Variants in ZNF385D observed in about 807,000 individuals in gnomAD.
The protein encoded by ZNF385D is zinc finger protein 385D.
ZNF385D carries 15 observed loss-of-function variants against 35.8 expected under a neutral mutation model. That is an observed-to-expected ratio of 0.42 (90% CI 0.28 to 0.64). The LOEUF (loss-of-function observed/expected upper bound fraction) is 0.64. Ranked by LOEUF, ZNF385D falls within the 30% of genes least tolerant of loss-of-function variation. ZNF385D has a pLI of 0.23. For synonymous variants in ZNF385D, 212 were observed against 186.8 expected (o/e 1.13, Z -1.10); for missense variants, 474 against 494.6 (o/e 0.96, Z 0.39).
intron 3 of ZNF385D, among the ~76,000 whole-genome samples, chr3:22,078,287 C>G (rs1178156560): frequency 6.6e-6 from 1 of 151,890 alleles, no homozygotes; most frequent in Non-Finnish European, 1.5e-5. Context: ...AATATGTTGA[C>G]AAATTAAACG....
At chr3:21,552,103 T>C (rs774356037) in intron 3 of ZNF385D, among the ~76,000 whole-genome samples, 3 of 152,190 alleles carry the variant, frequency 2.0e-5, no homozygotes, top group Non-Finnish European at 4.4e-5. Context: ...CAATGTTATT[T>C]TTCTAGAAAG....
At chr3:21,639,470 T>C (rs1468074012) in intron 2 of ZNF385D, among the ~76,000 whole-genome samples, 1 of 152,116 alleles carries the variant, frequency 6.6e-6, no homozygotes, top group Non-Finnish European at 1.5e-5. Flanking sequence ...AAATGCAATT[T>C]TATATAATGC....
At chr3:22,271,584 A>G (rs1401743669) in intron 2 of ZNF385D, among the ~76,000 whole-genome samples, 1 of 151,892 alleles carries the variant, frequency 6.6e-6, no homozygotes, top group Admixed American at 6.6e-5. Flanking sequence ...CCTTAAGTTG[A>G]TCCCAGCCAC....
At chr3:21,559,261 G>A (rs55783544) in intron 3 of ZNF385D, among the ~76,000 whole-genome samples, 52,405 of 151,878 alleles carry the variant, frequency 0.35, 9,246 homozygotes, top group Middle Eastern at 0.4. Context: ...TCATAGTGTC[G>A]ATGGTCTTTA....
chr3:22,328,976 C>G (rs1448686558), intron 2 of ZNF385D, among the ~76,000 whole-genome samples: 2 of 147,540 alleles, frequency 1.4e-5, no homozygotes, highest in Non-Finnish European at 3.0e-5. Context: ...ACTTGGGAGG[C>G]TGAGGCAGGA....
At chr3:21,829,906 T>G (rs1388006061) in intron 3 of ZNF385D, among the ~76,000 whole-genome samples, 2 of 151,986 alleles carry the variant, frequency 1.3e-5, no homozygotes, top group Non-Finnish European at 2.9e-5. Context: ...GGAGGATCAC[T>G]TGAAGTCAGG....
intron 3 of ZNF385D, among the ~76,000 whole-genome samples, chr3:22,063,967 G>A (rs867700558): frequency 6.6e-6 from 1 of 152,168 alleles, no homozygotes; most frequent in Non-Finnish European, 1.5e-5. Context: ...AATCCTGAGA[G>A]CATGCCCCAA....
At chr3:22,231,848 A>G (rs1280254854) in intron 2 of ZNF385D, among the ~76,000 whole-genome samples, 1 of 151,986 alleles carries the variant, frequency 6.6e-6, no homozygotes, top group African/African-American at 2.4e-5. Context: ...ATGGTTTAGC[A>G]TCATTCCTTT....
chr3:21,993,467 G>A (rs1308607806), intron 3 of ZNF385D, among the ~76,000 whole-genome samples: 1 of 152,084 alleles, frequency 6.6e-6, no homozygotes, highest in African/African-American at 2.4e-5. Flanking sequence ...CAAAAGTAGT[G>A]AAAAGTCTCA....
intron 2 of ZNF385D, among the ~76,000 whole-genome samples, chr3:22,201,045 C>T (rs186258331): frequency 1.3e-4 from 20 of 152,116 alleles, no homozygotes; most frequent in African/African-American, 4.6e-4. Flanking sequence ...TCCTCCTCAG[C>T]TGACAAGATT....
intron 2 of ZNF385D, among the ~76,000 whole-genome samples, chr3:22,199,049 T>C (rs1696609527): frequency 6.6e-6 from 1 of 152,138 alleles, no homozygotes; most frequent in South Asian, 2.1e-4. Flanking sequence ...GCTTATTGAT[T>C]GGTCTCGTAT....
intron 2 of ZNF385D, among the ~76,000 whole-genome samples, chr3:22,209,113 T>C (rs999365914): frequency 1.3e-5 from 2 of 151,868 alleles, no homozygotes; most frequent in African/African-American, 4.8e-5. Flanking sequence ...TCCGATTCAT[T>C]CAGTAAGCCC....
intron 3 of ZNF385D, among the ~76,000 whole-genome samples, chr3:22,094,385 G>GAGATAGATATATATAT (rs1491256865): frequency 1.4e-5 from 1 of 70,828 alleles, no homozygotes; most frequent in Non-Finnish European, 3.3e-5. Flanking sequence ...ATTTATTGTT[G>GAGATAGATATATATAT]ATATATATAT....
chr3:22,211,577 T>C (rs1263283048), intron 2 of ZNF385D, among the ~76,000 whole-genome samples: 2 of 152,008 alleles, frequency 1.3e-5, no homozygotes, highest in East Asian at 3.9e-4. Flanking sequence ...AGGGCAACTG[T>C]ATGTGTTCTT....
intron 3 of ZNF385D, among the ~76,000 whole-genome samples, chr3:22,106,574 A>G (rs1345972056): frequency 1.3e-5 from 2 of 152,132 alleles, no homozygotes; most frequent in Non-Finnish European, 2.9e-5. Context: ...CTTATTAGTC[A>G]GCTTGAGTCT....
chr3:22,329,790 A>AT (rs1459842454), intron 2 of ZNF385D, among the ~76,000 whole-genome samples: 1 of 152,220 alleles, frequency 6.6e-6, no homozygotes, highest in Non-Finnish European at 1.5e-5. Flanking sequence ...TTTTAGTAAT[A>AT]TTTTAACCCA....
intron 2 of ZNF385D, among the ~76,000 whole-genome samples, chr3:21,593,282 T>C (rs1299782457): frequency 2.6e-5 from 4 of 152,164 alleles, no homozygotes; most frequent in South Asian, 4.1e-4. Flanking sequence ...TCCCTACCTC[T>C]CCTAGCTTCA....
chr3:22,069,000 C>T (rs1700102106), intron 3 of ZNF385D, among the ~76,000 whole-genome samples: 1 of 152,196 alleles, frequency 6.6e-6, no homozygotes, highest in Non-Finnish European at 1.5e-5. Context: ...TCAGCTTTAA[C>T]CTTGTTTTCA....
chr3:21,853,146 G>C (rs1217843341), intron 3 of ZNF385D, among the ~76,000 whole-genome samples: 2 of 150,138 alleles, frequency 1.3e-5, no homozygotes, highest in African/African-American at 4.8e-5. Flanking sequence ...TTAGAGTAGG[G>C]TTTAAAAAAA....
Sources: allele counts gnomAD v4.1 joint callset (sites outside exome capture counted in the v4.1 genomes callset), GRCh38; gene constraint gnomAD v4.1.1; transcripts MANE v1.5; gene names NCBI Gene and HGNC (gene_info 2026-07-23, HGNC 2026-07-21).